The following EYA4 variants were observed in gnomAD, a reference collection of about 807,000 sequenced individuals.
The protein encoded by EYA4 is protein phosphatase EYA4.
Under a neutral mutation model 87.9 loss-of-function variants are expected in EYA4, and 31 were observed. That is an observed-to-expected ratio of 0.35 (90% CI 0.27 to 0.48). The LOEUF is 0.48. Ranked by LOEUF, EYA4 falls within the 20% of genes least tolerant of loss-of-function variation. EYA4 has a pLI of 0.99. For missense variants in EYA4, 678 were observed against 761.4 expected (o/e 0.89, Z 1.29); for synonymous variants, 263 against 270.6 (o/e 0.97, Z 0.28).
At chr6:133,288,254 G>T (rs1358207055) in intron 2 of EYA4, among the ~76,000 whole-genome samples, 3 of 152,216 alleles carry the variant, frequency 2.0e-5, no homozygotes, top group Non-Finnish European at 4.4e-5. Context: ...ACAAAAGCAT[G>T]TGGCAGGTGG....
chr6:133,426,594 A>G (rs889280672), intron 3 of EYA4, among the ~76,000 whole-genome samples: 23 of 152,176 alleles, frequency 1.5e-4, no homozygotes, highest in African/African-American at 5.6e-4. Context: ...TTATTTCCCC[A>G]TTAGATTCCA....
intron 3 of EYA4, among the ~76,000 whole-genome samples, chr6:133,417,025 T>A (rs976046750): frequency 6.6e-6 from 1 of 152,228 alleles, no homozygotes; most frequent in African/African-American, 2.4e-5. Context: ...TTGTCATTGT[T>A]CCTATTCTGA....
intron 19 of EYA4, among the ~76,000 whole-genome samples, chr6:133,525,697 T>G (rs1800582373): frequency 6.6e-6 from 1 of 152,076 alleles, no homozygotes; most frequent in African/African-American, 2.4e-5. Context: ...ATTAATGAGC[T>G]CCATACAAAA....
intron 3 of EYA4, among the ~76,000 whole-genome samples, chr6:133,402,376 A>C (rs1011896969): frequency 2.0e-5 from 3 of 152,118 alleles, no homozygotes; most frequent in Admixed American, 6.6e-5. Context: ...TTATTCTCTA[A>C]GTAGTTGCTC....
chr6:133,377,886 C>T (rs1319201755), intron 2 of EYA4, among the ~76,000 whole-genome samples: 1 of 151,878 alleles, frequency 6.6e-6, no homozygotes, highest in Non-Finnish European at 1.5e-5. Context: ...CCCAGAAATC[C>T]ACTGTACAGA....
In EYA4 at chr6:133,529,871, G is replaced by C. The variant is rs1474866706; in HGVS notation, c.*1066G>C. Reference sequence around the variant, plus strand: ...ACAACTTGCACAGTTTTGAGGTTGAGACTTTTGATATGTGTAAGTTGCATA... The same window carrying C: ...ACAACTTGCACAGTTTTGAGGTTGACACTTTTGATATGTGTAAGTTGCATA... On this transcript the variant is annotated 3_prime_UTR_variant, in exon 20 of 20. Coordinates refer to ENST00000355286, the MANE Select transcript of EYA4 (RefSeq NM_004100.5). The C allele has an allele frequency of 1.0e-6, 1 of 985,278 alleles. No individual in the cohort carries two copies. The highest frequency in any genetic ancestry group is 1.7e-5 in the African/African-American group (1 of 57,224). 61.0% of individuals were successfully genotyped at this position (985,278 alleles called of 1,614,324 possible). A position where few individuals can be genotyped will look rare whatever the true frequency, so the allele number is the denominator to read the frequency against.
Position 133,483,033 on chromosome 6 carries a change from G to T in EYA4, c.1109G>T (p.Arg370Leu). The T allele has an allele frequency of 6.2e-7, 1 of 1,611,842 alleles. No homozygotes were observed. The highest frequency in any genetic ancestry group is 8.5e-7 in the Non-Finnish European group (1 of 1,178,406). The stretch of plus-strand genomic sequence containing the variant: ...CTGATATTTATTTTTTGTCTTCAGC[G>T]TGTGTTTGTCTGGGATTTGGATGAA... The part of the protein sequence containing the change: ...PSPPPDSDLE[R>L]VFVWDLDETI... The change falls in exon 13 of 20, where the codon CGT becomes CTT. Residue 370 changes from arginine (R) to leucine (L), a missense_variant and splice_region_variant. Physicochemically the swap from Arg to Leu is moderately radical, Grantham distance 102. Coordinates refer to ENST00000355286, the MANE Select transcript of EYA4 (RefSeq NM_004100.5).
At chr6:133,435,882 C>T (rs538205790) in intron 3 of EYA4, among the ~76,000 whole-genome samples, 1 of 151,572 alleles carries the variant, frequency 6.6e-6, no homozygotes, top group Admixed American at 6.6e-5. Context: ...CACACACACA[C>T]CCCCCCTCAC....
At chr6:133,268,841 G>C (rs890160111) in intron 1 of EYA4, among the ~76,000 whole-genome samples, 6 of 152,178 alleles carry the variant, frequency 3.9e-5, no homozygotes, top group African/African-American at 4.8e-5. Flanking sequence ...GGGCGTGTGA[G>C]CTAAGAGGCA....
intron 2 of EYA4, among the ~76,000 whole-genome samples, chr6:133,296,444 C>G (rs1178264806): frequency 6.6e-6 from 1 of 152,064 alleles, no homozygotes; most frequent in Non-Finnish European, 1.5e-5. Context: ...GAGGCTGTTG[C>G]AGTAGTTCAG....
At chr6:133,262,061 C>T (rs1345702882) in intron 1 of EYA4, among the ~76,000 whole-genome samples, 2 of 152,126 alleles carry the variant, frequency 1.3e-5, no homozygotes, top group Non-Finnish European at 1.5e-5. Flanking sequence ...GCAAAACTAT[C>T]GTTTACATTT....
At chr6:133,528,118 T>C (rs969643540) in intron 19 of EYA4, among the ~76,000 whole-genome samples, 1 of 152,224 alleles carries the variant, frequency 6.6e-6, no homozygotes, top group Non-Finnish European at 1.5e-5. Context: ...GCTAGAGTAC[T>C]TTCTCTCAAT....
chr6:133,346,902 G>A (rs2128417450), intron 2 of EYA4, among the ~76,000 whole-genome samples: 1 of 151,762 alleles, frequency 6.6e-6, no homozygotes, highest in South Asian at 2.1e-4. Flanking sequence ...TGGAAGCATT[G>A]TTTTAAGGAT....
intron 2 of EYA4, among the ~76,000 whole-genome samples, chr6:133,367,686 A>G (rs1381616805): frequency 2.0e-5 from 3 of 152,182 alleles, no homozygotes; most frequent in Non-Finnish European, 4.4e-5. Flanking sequence ...ACATTTTAAA[A>G]CAAGGGAAAT....
intron 1 of EYA4, among the ~76,000 whole-genome samples, chr6:133,264,035 T>C (rs1368663467): frequency 2.0e-5 from 3 of 152,248 alleles, no homozygotes; most frequent in African/African-American, 7.2e-5. Context: ...TCCTTTTCAC[T>C]GCAGCAAGAG....
chr6:133,487,918 C>G lies in EYA4; in HGVS notation c.1191+4803C>G, dbSNP rs1454813197. ...AGCTTGGCAACAGTGGGATAGGGCA[C>G]CAAGTCGGCATGTGGGGTCCCTGAT... is the stretch of plus-strand genomic sequence containing the variant. On this transcript the variant is annotated intron_variant, in intron 13 of 19. Coordinates refer to ENST00000355286, the MANE Select transcript of EYA4 (RefSeq NM_004100.5). Among the ~76,000 whole-genome samples the G allele has an allele frequency of 2.0e-5, 3 of 152,100 alleles. No individual in the cohort carries two copies. The East Asian group carries it at 5.8e-4, about 29-fold the overall frequency.
intron 18 of EYA4, among the ~76,000 whole-genome samples, chr6:133,524,031 G>A (rs1800413660): frequency 6.6e-6 from 1 of 152,116 alleles, no homozygotes; most frequent in Non-Finnish European, 1.5e-5. Context: ...AGCCTCCAGT[G>A]GCAGCTGTTT....
chr6:133,313,877 G>A (rs1780424206), intron 2 of EYA4, among the ~76,000 whole-genome samples: 1 of 143,240 alleles, frequency 7.0e-6, no homozygotes, highest in African/African-American at 2.5e-5. Flanking sequence ...CTTTCCATGA[G>A]GATCTTTCTG....
intron 1 of EYA4, among the ~76,000 whole-genome samples, chr6:133,265,149 G>A (rs918682675): frequency 6.6e-6 from 1 of 152,098 alleles, no homozygotes; most frequent in African/African-American, 2.4e-5. Context: ...TAAGACAAGA[G>A]TTTGTAGCTC....
Sources: allele counts gnomAD v4.1 joint callset (sites outside exome capture counted in the v4.1 genomes callset), GRCh38; gene constraint gnomAD v4.1.1; transcripts MANE v1.5; gene names NCBI Gene and HGNC (gene_info 2026-07-23, HGNC 2026-07-21).